GLCCI1: variants seen among roughly 807,000 people sequenced by gnomAD.
GLCCI1 encodes the protein glucocorticoid-induced transcript 1 protein.
In GLCCI1, 24 loss-of-function variants were observed where a neutral mutation model predicts 52.2. The ratio of observed to expected loss-of-function variants is 0.46; its 90% CI spans 0.33 to 0.65. The LOEUF (loss-of-function observed/expected upper bound fraction) is 0.65, where lower values mean the gene tolerates loss of function less well. Ranked by LOEUF, GLCCI1 falls within the 30% of genes least tolerant of loss-of-function variation. GLCCI1 has a pLI of 0.02. For missense variants in GLCCI1, 704 were observed against 701.5 expected (o/e 1.00, Z -0.04); for synonymous variants, 310 against 276.5 (o/e 1.12, Z -1.20).
chr7:8,034,630 T>C (rs1000709405), intron 3 of GLCCI1, among the ~76,000 whole-genome samples: 11 of 152,098 alleles, frequency 7.2e-5, no homozygotes, highest in Admixed American at 3.9e-4. Context: ...AGAAGAACCA[T>C]AGTTACAGGT....
intron 1 of GLCCI1, among the ~76,000 whole-genome samples, chr7:7,975,644 T>TG (rs1780449155): frequency 6.6e-6 from 1 of 152,236 alleles, no homozygotes; most frequent in South Asian, 2.1e-4. Context: ...TGCTGGGGTA[T>TG]GGTCTGACAT....
intron 3 of GLCCI1, among the ~76,000 whole-genome samples, chr7:8,052,532 C>T (rs1178329923): frequency 1.3e-5 from 2 of 152,204 alleles, no homozygotes; most frequent in African/African-American, 4.8e-5. Flanking sequence ...TATAAACCAA[C>T]ATATAGTAGT....
intron 2 of GLCCI1, among the ~76,000 whole-genome samples, chr7:8,014,768 C>G (rs1343532400): frequency 6.6e-6 from 1 of 152,134 alleles, no homozygotes; most frequent in Non-Finnish European, 1.5e-5. Context: ...TGGTTGATAT[C>G]AGGGAGAGAT....
chr7:8,061,101 C>CTTTTT (rs1183119492), intron 5 of GLCCI1, among the ~76,000 whole-genome samples: 1 of 138,910 alleles, frequency 7.2e-6, no homozygotes. Context: ...TGCTAGTGAT[C>CTTTTT]TTTTTTTTTT....
chr7:8,072,004 C>T (rs542852817), intron 6 of GLCCI1, among the ~76,000 whole-genome samples: 3 of 152,286 alleles, frequency 2.0e-5, no homozygotes, highest in South Asian at 2.1e-4. Context: ...GTAAAATGCC[C>T]AGATCATAAG....
At chr7:8,000,862 C>T (rs892489540) in intron 1 of GLCCI1, among the ~76,000 whole-genome samples, 2 of 151,748 alleles carry the variant, frequency 1.3e-5, no homozygotes, top group Non-Finnish European at 2.9e-5. Context: ...GATTGCAATC[C>T]CTGCTTTTTT....
chr7:8,086,355 A>G lies in GLCCI1; in HGVS notation c.1461A>G (p.Ser487=). 6.2e-7 allele frequency: 1 copy of G among 1,614,084 alleles called. No individual in the cohort carries two copies. Among genetic ancestry groups the G allele is most frequent in the Non-Finnish European group, 8.5e-7 (1 of 1,180,018 alleles). ...ACTCCCCTAACTCTGGCCAGAGCTC[A>G]GCTTTGGCAACTCTGACCGTTGAGC... ...LKNSPNSGQS[S]ALATLTVEQL... The change falls in exon 8 of 8, where the codon TCA becomes TCG. Residue 487 remains serine, a synonymous_variant. Transcript: ENST00000223145. The surrounding 1 kb of genome is among the most constrained non-coding windows in gnomAD (Gnocchi z 4.4).
chr7:7,976,232 A>C (rs1370506287), intron 1 of GLCCI1, among the ~76,000 whole-genome samples: 2 of 152,136 alleles, frequency 1.3e-5, no homozygotes, highest in Non-Finnish European at 2.9e-5. Context: ...TAATCCCAGC[A>C]CTTTGGGAGG....
intron 3 of GLCCI1, among the ~76,000 whole-genome samples, chr7:8,040,249 G>A (rs1781969555): frequency 2.0e-5 from 3 of 152,058 alleles, no homozygotes. Context: ...ACTTAGGGAG[G>A]CTGAGATGGA....
intron 3 of GLCCI1, among the ~76,000 whole-genome samples, chr7:8,053,996 C>A (rs1279938265): frequency 6.6e-6 from 1 of 151,734 alleles, no homozygotes; most frequent in Non-Finnish European, 1.5e-5. Flanking sequence ...ATCTCAGAGG[C>A]CTTGAAAAAA....
In GLCCI1 at chr7:7,969,551, G is replaced by A. The variant is rs948474188; in HGVS notation, c.201G>A (p.Thr67=). ...AGRLLQPIRA[T]VPYQLLRGSQ... is the part of the protein sequence containing the mutation. The stretch of plus-strand genomic sequence containing the variant: ...GGCTGCTGCAGCCCATCCGCGCCAC[G>A]GTGCCCTACCAGCTCTTGCGGGGCA... The change falls in exon 1 of 8, where the codon ACG becomes ACA. Residue 67 remains threonine (T), a synonymous_variant. Transcript: ENST00000223145. This position sits in a 1 kb window ranked among gnomAD's most constrained non-coding sequence, Gnocchi z 4.9. The A allele has an allele frequency of 3.2e-5, 32 of 990,124 alleles. 1 individual carries two copies. Among genetic ancestry groups the A allele is most frequent in the Middle Eastern group, 5.0e-4 (1 of 1,990 alleles). 61.3% of individuals were successfully genotyped at this position (990,124 alleles called of 1,614,324 possible).
intron 2 of GLCCI1, among the ~76,000 whole-genome samples, chr7:8,009,811 T>G (rs922648882): frequency 6.6e-6 from 1 of 152,060 alleles, no homozygotes; most frequent in Middle Eastern, 3.2e-3. Context: ...TAAACAAATT[T>G]TTGTAGGCCT....
intron 2 of GLCCI1, among the ~76,000 whole-genome samples, chr7:8,013,779 TA>T (rs1459025306): frequency 2.0e-5 from 3 of 152,338 alleles, no homozygotes; most frequent in Admixed American, 2.0e-4. Flanking sequence ...ATTTAATATC[TA>T]ATTTACATAC....
At chr7:8,057,578 C>T (rs1253675162) in intron 4 of GLCCI1, among the ~76,000 whole-genome samples, 1 of 151,626 alleles carries the variant, frequency 6.6e-6, no homozygotes, top group African/African-American at 2.4e-5. Context: ...ATAGAGGGTT[C>T]TAAAAGTGAC....
At chr7:8,072,593 A>T (rs1418222633) in intron 6 of GLCCI1, among the ~76,000 whole-genome samples, 2 of 152,198 alleles carry the variant, frequency 1.3e-5, no homozygotes, top group Admixed American at 6.5e-5. Flanking sequence ...TCTTGCTTCC[A>T]GTAGGAGTGT....
At chr7:8,028,682 T>A (rs2127950855) in intron 3 of GLCCI1, among the ~76,000 whole-genome samples, 1 of 152,052 alleles carries the variant, frequency 6.6e-6, no homozygotes, top group Non-Finnish European at 1.5e-5. Context: ...AAAGTTAGTT[T>A]TTTGAAAAGA....
At chr7:7,977,298 A>G (rs1398563546) in intron 1 of GLCCI1, among the ~76,000 whole-genome samples, 1 of 152,200 alleles carries the variant, frequency 6.6e-6, no homozygotes, top group Non-Finnish European at 1.5e-5. Context: ...TGAGAATAAG[A>G]CTGAATGAGT....
intron 3 of GLCCI1, among the ~76,000 whole-genome samples, chr7:8,028,369 C>T (rs1781666666): frequency 1.3e-5 from 2 of 151,990 alleles, no homozygotes; most frequent in Admixed American, 1.3e-4. Flanking sequence ...ACCAATGAGT[C>T]AATGAAGAAA....
At chr7:8,071,645 C>T (rs1782764599) in intron 6 of GLCCI1, among the ~76,000 whole-genome samples, 1 of 152,144 alleles carries the variant, frequency 6.6e-6, no homozygotes, top group Admixed American at 6.5e-5. Context: ...CTGTTGAGAA[C>T]ATCTGGGATT....
Sources: allele counts gnomAD v4.1 joint callset (sites outside exome capture counted in the v4.1 genomes callset), GRCh38; gene constraint gnomAD v4.1.1; non-coding constraint Gnocchi (gnomAD v3.1); transcripts MANE v1.5; gene names NCBI Gene and HGNC (gene_info 2026-07-23, HGNC 2026-07-21).